NCOA7: variants seen among roughly 807,000 people sequenced by gnomAD.
The protein encoded by NCOA7 is nuclear receptor coactivator 7.
NCOA7 carries 45 observed loss-of-function variants against 104.3 expected under a neutral mutation model. The observed-to-expected ratio is 0.43, with a 90% confidence interval of 0.34 to 0.55. The LOEUF is 0.55. NCOA7 is among the 20% of genes least tolerant of loss of function. The pLI is 0.02. For synonymous variants in NCOA7, 398 were observed against 402.3 expected (o/e 0.99, Z 0.13); for missense variants, 1,041 against 1,119.7 (o/e 0.93, Z 1.00).
chr6:125,827,188 CAAAAAA>C (rs66522338), intron 2 of NCOA7, among the ~76,000 whole-genome samples: 1 of 79,044 alleles, frequency 1.3e-5, no homozygotes, highest in African/African-American at 8.3e-5. Flanking sequence ...AACTCCATCT[CAAAAAA>C]AAAAAAAAAA....
At chr6:125,817,179 G>C (rs541380070) in intron 2 of NCOA7, among the ~76,000 whole-genome samples, 1 of 152,290 alleles carries the variant, frequency 6.6e-6, no homozygotes, top group South Asian at 2.1e-4. Context: ...CATTTAGGTT[G>C]TTTCCAGTTT....
At position 125,920,996 on chromosome 6, in the gene NCOA7, A is replaced by G; in HGVS notation, c.2298A>G (p.Glu766=). The part of the protein sequence containing the change: ...KRRKSTCSYY[E]DEDEEVLPVL... ...GGAAGAGCACATGCAGCTACTATGA[A>G]GACGAGGACGAAGAGGTGCTGCCTG... is the stretch of plus-strand genomic sequence containing the variant. The change falls in exon 12 of 16, where the codon GAA becomes GAG. Residue 766 remains glutamate (E), a synonymous_variant. Transcript: ENST00000392477. 1 of 1,613,964 alleles carries G rather than the reference A, an allele frequency of 6.2e-7. No homozygotes were observed. The highest frequency in any genetic ancestry group is 8.5e-7 in the Non-Finnish European group (1 of 1,179,884).
intron 2 of NCOA7, among the ~76,000 whole-genome samples, chr6:125,830,021 G>A (rs113852905): frequency 1.1e-4 from 17 of 152,240 alleles, no homozygotes; most frequent in Middle Eastern, 3.4e-3. Flanking sequence ...CAAATAGAAT[G>A]TTTTCAGCCT....
At chr6:125,834,722 G>A (rs1004876535) in intron 2 of NCOA7, among the ~76,000 whole-genome samples, 4 of 152,182 alleles carry the variant, frequency 2.6e-5, no homozygotes, top group Admixed American at 2.6e-4. Context: ...AGCCAAACTT[G>A]AGGATTGTAG....
chr6:125,789,814 C>T (rs1259469551), upstream of NCOA7, among the ~76,000 whole-genome samples: 1 of 152,198 alleles, frequency 6.6e-6, no homozygotes, highest in East Asian at 1.9e-4. Context: ...CCAGAGGAGG[C>T]TGCTATCTAG....
chr6:125,842,207 G>C (rs1266549257), intron 2 of NCOA7, among the ~76,000 whole-genome samples: 1 of 152,112 alleles, frequency 6.6e-6, no homozygotes, highest in African/African-American at 2.4e-5. Flanking sequence ...TTCGTTTCAG[G>C]ATTCTGTATT....
At chr6:125,787,484 A>C (rs1018333871), upstream of NCOA7, among the ~76,000 whole-genome samples, 2 of 152,206 alleles carry the variant, frequency 1.3e-5, no homozygotes, top group African/African-American at 4.8e-5. Context: ...CGAAACAAAC[A>C]AATGGCGGAG....
At chr6:125,835,421 A>G (rs750574270) in intron 2 of NCOA7, among the ~76,000 whole-genome samples, 3 of 152,120 alleles carry the variant, frequency 2.0e-5, no homozygotes, top group Admixed American at 6.5e-5. Flanking sequence ...TCTGGTTCAC[A>G]TAAGTAAAAA....
chr6:125,889,395 A>G lies in NCOA7; in HGVS notation c.1341A>G (p.Arg447=). ...GCCTTTCTCTTGACCCAGAGGAACGAAAGAAAGCTGAGTCACAAATAAACA... is the reference window on the plus strand; with the variant it reads ...GCCTTTCTCTTGACCCAGAGGAACGGAAGAAAGCTGAGTCACAAATAAACA... ...KECLSLDPEE[R]KKAESQINNS... is the part of the protein sequence containing the mutation. Residue 447 remains arginine (R), a synonymous_variant, in exon 9 of 16, where the codon CGA becomes CGG. Coordinates refer to ENST00000392477, the MANE Select transcript of NCOA7 (RefSeq NM_181782.5). The G allele has an allele frequency of 1.2e-6, 2 of 1,613,898 alleles. No homozygotes were observed. The highest frequency in any genetic ancestry group is 2.2e-5 in the East Asian group (1 of 44,864).
chr6:125,811,779 A>G (rs186972651), intron 1 of NCOA7, among the ~76,000 whole-genome samples: 7 of 152,276 alleles, frequency 4.6e-5, no homozygotes, highest in Admixed American at 2.6e-4. Context: ...TCCACTCCCA[A>G]TACGTCACTA....
upstream of NCOA7, among the ~76,000 whole-genome samples, chr6:125,788,688 C>T (rs1774587468): frequency 6.9e-6 from 1 of 145,492 alleles, no homozygotes; most frequent in Non-Finnish European, 1.5e-5. Flanking sequence ...GGACCCACCA[C>T]ACCCAGCTAA....
chr6:125,826,867 C>G (rs1037009120), intron 2 of NCOA7, among the ~76,000 whole-genome samples: 2 of 152,052 alleles, frequency 1.3e-5, no homozygotes, highest in East Asian at 1.9e-4. Flanking sequence ...GGCCTGCATG[C>G]TGTATCACCC....
intron 4 of NCOA7, among the ~76,000 whole-genome samples, chr6:125,876,456 A>T (rs1343251662): frequency 6.6e-6 from 1 of 152,224 alleles, no homozygotes; most frequent in Non-Finnish European, 1.5e-5. Flanking sequence ...ATTATTTATT[A>T]TTAATAACAA....
intron 2 of NCOA7, among the ~76,000 whole-genome samples, chr6:125,822,727 G>T (rs1158824549): frequency 1.3e-5 from 2 of 152,144 alleles, no homozygotes. Context: ...TTGAGGTCAG[G>T]AGTTTGAGAC....
At chr6:125,819,691 C>T (rs900295337) in intron 2 of NCOA7, among the ~76,000 whole-genome samples, 2 of 152,184 alleles carry the variant, frequency 1.3e-5, no homozygotes, top group African/African-American at 2.4e-5. Flanking sequence ...TTTATGCTAT[C>T]CTCTGGGGTG....
intron 3 of NCOA7, among the ~76,000 whole-genome samples, chr6:125,869,074 C>T (rs1172069394): frequency 6.6e-6 from 1 of 152,202 alleles, no homozygotes; most frequent in African/African-American, 2.4e-5. Context: ...ACTATCTTTT[C>T]TTCCCTTCCT....
intron 3 of NCOA7, among the ~76,000 whole-genome samples, chr6:125,858,234 A>G (rs1206886837): frequency 1.3e-5 from 2 of 152,152 alleles, no homozygotes; most frequent in South Asian, 2.1e-4. Flanking sequence ...TAGTTAATAC[A>G]TAGATAAATG....
chr6:125,899,917 G>A, intron 10 of NCOA7: 3 of 521,004 alleles, frequency 5.8e-6, no homozygotes, highest in South Asian at 4.2e-5. Flanking sequence ...AGTGCTTTCT[G>A]GTGGCGGAGC....
intron 6 of NCOA7, 65 bp from the exon 7 acceptor site, chr6:125,882,361 A>G (rs1783910761): frequency 6.5e-7 from 1 of 1,547,154 alleles, no homozygotes; most frequent in South Asian, 1.2e-5. Context: ...ATGGGGCTTG[A>G]TTTATACACA....
Sources: allele counts gnomAD v4.1 joint callset (sites outside exome capture counted in the v4.1 genomes callset), GRCh38; gene constraint gnomAD v4.1.1; transcripts MANE v1.5; gene names NCBI Gene and HGNC (gene_info 2026-07-23, HGNC 2026-07-21).